The following CTSB variants were observed in gnomAD, a reference collection of about 807,000 sequenced individuals.
The protein encoded by CTSB is APP secretase.
A neutral mutation model predicts 44.3 loss-of-function variants in CTSB; 57 were observed. That is an observed-to-expected ratio of 1.29 (90% CI 1.04 to 1.60). The LOEUF (loss-of-function observed/expected upper bound fraction) is 1.60, where lower values mean the gene tolerates loss of function less well. Among genes scored for constraint, CTSB ranks in the 40% most tolerant of loss-of-function variants. The pLI, the probability that CTSB is intolerant of heterozygous loss-of-function variation, is 0.00. For missense variants in CTSB, 768 were observed against 443.0 expected, an observed-to-expected ratio of 1.73 and a Z score of -6.59; for synonymous variants, 320 against 168.0, an observed-to-expected ratio of 1.91 and a Z score of -7.00.
chr8:11,850,696 C>A (rs1814427161), intron 4 of CTSB, 170 bp downstream of exon 4: 1 of 514,534 alleles, frequency 1.9e-6, no homozygotes, highest in Admixed American at 3.1e-5. Flanking sequence ...TAATCCTCGC[C>A]ATCATTCATG....
Position 11,848,140 on chromosome 8 carries a change from GCCA to G in CTSB, c.456_458del (p.Gly153del). ...AGAAGTTCCAAGCTTCAGCAGGATA[GCCA>G]CCATTACAGCTGAAAAGACAGCCTC... On this transcript the variant is annotated inframe_deletion, in exon 6 of 10. Coordinates refer to ENST00000353047, the MANE Select transcript of CTSB (RefSeq NM_001908.5). The G allele has an allele frequency of 6.2e-7, 1 of 1,614,050 alleles. No homozygotes were observed. The highest frequency in any genetic ancestry group is 8.5e-7 in the Non-Finnish European group (1 of 1,179,908).
intron 4 of CTSB, 109 bp from the exon 5 acceptor site, chr8:11,849,273 C>G (rs540083337): frequency 2.7e-6 from 2 of 736,648 alleles, no homozygotes; most frequent in Non-Finnish European, 4.6e-6. Context: ...GGCAACTGAT[C>G]TCTCAACACC....
chr8:11,848,418 A>T (rs933067135), intron 5 of CTSB: 42 of 590,072 alleles, frequency 7.1e-5, no homozygotes, highest in Non-Finnish European at 1.3e-4. Flanking sequence ...ATACCAGACC[A>T]GGCTACGAGT....
rs756929729 is a variant in CTSB, at chr8:11,845,769, C to G, written c.814G>C (p.Gly272Arg). ...YKSGVYQHVT[G>R]EMMGGHAIRI... ...ATGGCATGGCCACCCATCATCTCTCCGGTGACGTGTTGGTACACTCCTGAA... is the reference window on the plus strand; with the variant it reads ...ATGGCATGGCCACCCATCATCTCTCGGGTGACGTGTTGGTACACTCCTGAA... The change falls in exon 9 of 10, where the codon GGA becomes CGA. Residue 272 changes from glycine to arginine, a missense_variant. Coordinates refer to ENST00000353047, the MANE Select transcript of CTSB (RefSeq NM_001908.5). The G allele has an allele frequency of 6.2e-7, 1 of 1,613,918 alleles. No homozygotes were observed. The highest frequency in any genetic ancestry group is 1.3e-5 in the African/African-American group (1 of 75,034).
At position 11,843,112 on chromosome 8, in the gene CTSB, C is replaced by G. The variant is rs1302807991; in HGVS notation, c.*2013G>C. Reference sequence around the variant, plus strand: ...TACAGGCATGTGCCACCATGCCCAGCTAATTTTTGTATTTTTAGTAGAGGT... The same window carrying G: ...TACAGGCATGTGCCACCATGCCCAGGTAATTTTTGTATTTTTAGTAGAGGT... On this transcript the variant is annotated 3_prime_UTR_variant, in exon 10 of 10. Transcript: ENST00000353047. 1 of 152,158 alleles carries G rather than the reference C, an allele frequency of 6.6e-6. No individual in the cohort carries two copies. Among genetic ancestry groups the G allele is most frequent in the Non-Finnish European group, 1.5e-5 (1 of 68,078 alleles). 9.4% of individuals were successfully genotyped at this position (152,158 alleles called of 1,614,324 possible).
At position 11,845,028 on chromosome 8, in the gene CTSB, C is replaced by A. The variant is rs1297087854; in HGVS notation, c.*97G>T. 2.4e-6 allele frequency: 2 copies of A among 832,296 alleles called. No individual in the cohort carries two copies. Among genetic ancestry groups the A allele is most frequent in the African/African-American group, 3.4e-5 (2 of 59,344 alleles). 51.6% of individuals were successfully genotyped at this position (832,296 alleles called of 1,614,324 possible). On this transcript the variant is annotated 3_prime_UTR_variant, in exon 10 of 10. Transcript: ENST00000353047. ...TGTTTGGCCAATCCAGTCCTTCAGA[C>A]CCTGTCTGAAACTTGTATCTTACGT...
chr8:11,854,225 TGGGGAGAGCCGC>T (rs1815121236), intron 1 of CTSB, among the ~76,000 whole-genome samples: 1 of 152,128 alleles, frequency 6.6e-6, no homozygotes, highest in Non-Finnish European at 1.5e-5. Flanking sequence ...CATCCAGGGC[TGGGGAGAGCCGC>T]GGCGCGGGGA....
In CTSB at chr8:11,853,385, G is replaced by A. The variant is rs1244262411; in HGVS notation, c.70C>T (p.His24Tyr). The A allele has an allele frequency of 6.2e-7, 1 of 1,612,940 alleles. No homozygotes were observed. The highest frequency in any genetic ancestry group is 8.5e-7 in the Non-Finnish European group (1 of 1,179,748). Residue 24 changes from histidine (H) to tyrosine (Y), a missense_variant, in exon 2 of 10, where the codon CAT (histidine) becomes TAT (tyrosine). By Grantham distance (83) the His-to-Tyr change is moderately conservative (BLOSUM62 2). Transcript: ENST00000353047. ...LANARSRPSF[H>Y]PLSDELVNYV... ...TTGACCAGCTCATCCGACAGGGGATGGAAAGAGGGCCTGCTCCGGGCATTG... is the reference window on the plus strand; with the variant it reads ...TTGACCAGCTCATCCGACAGGGGATAGAAAGAGGGCCTGCTCCGGGCATTG...
rs773106960 is a variant in CTSB at position 11,851,011 on chromosome 8, C to G, written c.213-31G>C. ...TAAAGGAAGGTCTTCATTACAAGCT[C>G]TGATCCCACAACTCCCTCCCCAATC... is the stretch of plus-strand genomic sequence containing the variant. On this transcript the variant is annotated intron_variant, in intron 3 of 9. Coordinates refer to ENST00000353047, the MANE Select transcript of CTSB (RefSeq NM_001908.5). 7.2e-6 allele frequency: 11 copies of G among 1,532,026 alleles called. No individual in the cohort carries two copies. In the African/African-American group the frequency reaches 1.2e-4, roughly 17 times the overall value. 94.9% of individuals were successfully genotyped at this position (1,532,026 alleles called of 1,614,324 possible). A position where few individuals can be genotyped will look rare whatever the true frequency, so the allele number is the denominator to read the frequency against.
chr8:11,849,309 C>CA, intron 4 of CTSB, 145 bp from the exon 5 acceptor site: 1 of 568,188 alleles, frequency 1.8e-6, no homozygotes, highest in Non-Finnish European at 3.2e-6. Flanking sequence ...GGCTCAAACT[C>CA]AGCTTTTATT....
chr8:11,860,930 G>C (rs1409724770), intron 1 of CTSB, among the ~76,000 whole-genome samples: 2 of 152,224 alleles, frequency 1.3e-5, no homozygotes, highest in African/African-American at 4.8e-5. Flanking sequence ...CAACCTGCCA[G>C]ACACACCTCA....
chr8:11,851,797 G>C (rs1315978478), intron 3 of CTSB, among the ~76,000 whole-genome samples: 2 of 152,066 alleles, frequency 1.3e-5, no homozygotes, highest in Non-Finnish European at 2.9e-5. Context: ...CTCCCGAGTA[G>C]CTGGGATTAC....
intron 1 of CTSB, among the ~76,000 whole-genome samples, chr8:11,858,505 G>A (rs1241668924): frequency 6.6e-6 from 1 of 152,130 alleles, no homozygotes; most frequent in Non-Finnish European, 1.5e-5. Flanking sequence ...GCCCAGGCTG[G>A]TCTCAAACTC....
At position 11,848,963 on chromosome 8, in the gene CTSB, G is replaced by A. The variant is rs145828603; in HGVS notation, c.446+83C>T. 150 of 978,354 alleles carry A rather than the reference G, an allele frequency of 1.5e-4. 1 individual carries two copies. Among genetic ancestry groups the A allele is most frequent in the Middle Eastern group, 6.3e-4 (3 of 4,732 alleles). The allele number at this position is 978,354 out of a possible 1,614,324, so 60.6% of individuals were successfully genotyped here. A position where few individuals can be genotyped will look rare whatever the true frequency, so the allele number is the denominator to read the frequency against. ...TTCTGACTCGCAGCAGTCCCAGGAA[G>A]TCCTCAAAGTCCCCTCCACTGAGAA... On this transcript the variant is annotated intron_variant, in intron 5 of 9. Coordinates refer to ENST00000353047, the MANE Select transcript of CTSB (RefSeq NM_001908.5).
Position 11,845,020 on chromosome 8 carries a change from C to T in CTSB, c.*105G>A, listed in dbSNP as rs892663637. On this transcript the variant is annotated 3_prime_UTR_variant, in exon 10 of 10. Transcript: ENST00000353047. ...AGGTCTGATGTTTGGCCAATCCAGT[C>T]CTTCAGACCCTGTCTGAAACTTGTA... 3.9e-6 allele frequency: 3 copies of T among 770,040 alleles called. No homozygotes were observed. Among genetic ancestry groups the T allele is most frequent in the African/African-American group, 1.7e-5 (1 of 58,072 alleles). The allele number at this position is 770,040 out of a possible 1,614,324, so 47.7% of individuals were successfully genotyped here.
intron 1 of CTSB, among the ~76,000 whole-genome samples, chr8:11,858,983 T>C (rs1008248852): frequency 2.0e-5 from 3 of 152,184 alleles, no homozygotes; most frequent in African/African-American, 7.2e-5. Context: ...ATGTGAACTC[T>C]TGTGTGCCAC....
chr8:11,866,098 G>A (rs1025817507), intron 1 of CTSB, among the ~76,000 whole-genome samples: 16 of 151,454 alleles, frequency 1.1e-4, no homozygotes, highest in Admixed American at 1.1e-3. Context: ...CCCCTGAAAC[G>A]TGACCTCCCT....
In CTSB at chr8:11,845,059, T is replaced by C. The variant is rs1450114887; in HGVS notation, c.*66A>G. On this transcript the variant is annotated 3_prime_UTR_variant, in exon 10 of 10. Coordinates refer to ENST00000353047, the MANE Select transcript of CTSB (RefSeq NM_001908.5). Reference sequence around the variant, plus strand: ...CTGAAACTTGTATCTTACGTGAACTTAAAGAATAAAATGCATTTCTACCCC... The same window carrying C: ...CTGAAACTTGTATCTTACGTGAACTCAAAGAATAAAATGCATTTCTACCCC... 9.1e-7 allele frequency: 1 copy of C among 1,095,208 alleles called. No individual in the cohort carries two copies. Among genetic ancestry groups the C allele is most frequent in the Non-Finnish European group, 1.4e-6 (1 of 714,306 alleles). The allele number at this position is 1,095,208 out of a possible 1,614,324, so 67.8% of individuals were successfully genotyped here. A position where few individuals can be genotyped will look rare whatever the true frequency, so the allele number is the denominator to read the frequency against.
At chr8:11,847,610 C>T (rs998119090) in intron 7 of CTSB, 69 bp downstream of exon 7, 1 of 1,477,132 alleles carries the variant, frequency 6.8e-7, no homozygotes, top group Non-Finnish European at 9.0e-7. Flanking sequence ...CTCTTCGCTG[C>T]AGCGTGAGGA....
Sources: allele counts gnomAD v4.1 joint callset (sites outside exome capture counted in the v4.1 genomes callset), GRCh38; gene constraint gnomAD v4.1.1; transcripts MANE v1.5; gene names NCBI Gene and HGNC (gene_info 2026-07-23, HGNC 2026-07-21).